Variants in TMEM132D observed in about 807,000 individuals in gnomAD.
TMEM132D encodes transmembrane protein 132D.
TMEM132D carries 21 observed loss-of-function variants against 62.3 expected under a neutral mutation model. The observed-to-expected ratio is 0.34, with a 90% CI of 0.24 to 0.49. The LOEUF (loss-of-function observed/expected upper bound fraction) is 0.49, where lower values mean the gene tolerates loss of function less well. Ranked by LOEUF, TMEM132D falls within the 20% of genes least tolerant of loss-of-function variation. The pLI, the probability that TMEM132D is intolerant of heterozygous loss-of-function variation, is 0.99. For missense variants in TMEM132D, 1,346 were observed against 1,402.8 expected, an observed-to-expected ratio of 0.96 and a Z score of 0.65; for synonymous variants, 621 against 575.6, an observed-to-expected ratio of 1.08 and a Z score of -1.13.
intron 3 of TMEM132D, among the ~76,000 whole-genome samples, chr12:129,512,301 G>A (rs995967532): frequency 4.6e-5 from 7 of 152,200 alleles, no homozygotes; most frequent in Non-Finnish European, 1.0e-4. Context: ...TGTCATCAGA[G>A]TAAATCTCAA....
At chr12:129,207,222 A>AGGTTCC (rs1878876507) in intron 5 of TMEM132D, among the ~76,000 whole-genome samples, 2 of 151,678 alleles carry the variant, frequency 1.3e-5, no homozygotes, top group African/African-American at 4.8e-5. Flanking sequence ...CACGGAGCTT[A>AGGTTCC]AGTTCCAAGG....
intron 1 of TMEM132D, among the ~76,000 whole-genome samples, chr12:129,709,260 G>A (rs1189668612): frequency 1.3e-5 from 2 of 152,136 alleles, no homozygotes; most frequent in African/African-American, 4.8e-5. Context: ...CCCATTCATT[G>A]TATATCTAAG....
At chr12:129,730,379 C>A (rs2895130) in intron 1 of TMEM132D, among the ~76,000 whole-genome samples, 1 of 152,028 alleles carries the variant, frequency 6.6e-6, no homozygotes, top group African/African-American at 2.4e-5. Context: ...CAAATCCCCA[C>A]TCCAGGGGTA....
At chr12:129,709,314 A>G (rs1387008018) in intron 1 of TMEM132D, among the ~76,000 whole-genome samples, 3 of 152,242 alleles carry the variant, frequency 2.0e-5, no homozygotes, top group Admixed American at 1.3e-4. Context: ...AAAATTTATA[A>G]GAATGTTGAG....
chr12:129,900,364 G>A (rs1263402347), intron 1 of TMEM132D, among the ~76,000 whole-genome samples: 1 of 152,204 alleles, frequency 6.6e-6, no homozygotes, highest in Non-Finnish European at 1.5e-5. Flanking sequence ...TATGGAAGCA[G>A]TTTCAGGAAG....
intron 5 of TMEM132D, among the ~76,000 whole-genome samples, chr12:129,152,364 C>T (rs982196400): frequency 5.3e-5 from 8 of 152,180 alleles, no homozygotes; most frequent in African/African-American, 1.9e-4. Flanking sequence ...AGGTCCATCT[C>T]ATCTCCAATT....
chr12:129,476,840 C>T (rs929972907), intron 3 of TMEM132D, among the ~76,000 whole-genome samples: 11 of 152,158 alleles, frequency 7.2e-5, no homozygotes, highest in Non-Finnish European at 8.8e-5. Context: ...GCCAGGGAAG[C>T]TTAACTCAGA....
At chr12:129,830,020 C>A (rs1023225069) in intron 1 of TMEM132D, among the ~76,000 whole-genome samples, 2 of 152,122 alleles carry the variant, frequency 1.3e-5, no homozygotes, top group African/African-American at 4.8e-5. Context: ...CAGCTCCAAG[C>A]CTCTCAGATA....
chr12:129,229,099 G>T (rs1282384251), intron 4 of TMEM132D, among the ~76,000 whole-genome samples: 1 of 152,178 alleles, frequency 6.6e-6, no homozygotes, highest in Non-Finnish European at 1.5e-5. Flanking sequence ...AGCAACACAC[G>T]TGTGATCCAG....
At chr12:129,549,683 C>G (rs1876838342) in intron 2 of TMEM132D, among the ~76,000 whole-genome samples, 1 of 152,208 alleles carries the variant, frequency 6.6e-6, no homozygotes, top group Non-Finnish European at 1.5e-5. Flanking sequence ...AAATACACTT[C>G]CCTACTCCCT....
intron 5 of TMEM132D, among the ~76,000 whole-genome samples, chr12:129,156,612 C>A (rs1411957479): frequency 6.6e-6 from 1 of 152,126 alleles, no homozygotes; most frequent in African/African-American, 2.4e-5. Flanking sequence ...TGAATCCACT[C>A]CCAAAAGTAA....
At chr12:129,877,304 G>GT (rs139901419) in intron 1 of TMEM132D, among the ~76,000 whole-genome samples, 3,189 of 152,074 alleles carry the variant, frequency 0.021, 120 homozygotes, top group African/African-American at 0.073. Context: ...CACACTGTGG[G>GT]TAAGAAGAAC....
intron 3 of TMEM132D, among the ~76,000 whole-genome samples, chr12:129,492,844 TG>T (rs1279269991): frequency 6.6e-6 from 1 of 152,122 alleles, no homozygotes; most frequent in Non-Finnish European, 1.5e-5. Context: ...ACTCTAAGGC[TG>T]GGGTTGGGGA....
chr12:129,352,047 G>A (rs781099425), intron 3 of TMEM132D, among the ~76,000 whole-genome samples: 8 of 152,122 alleles, frequency 5.3e-5, no homozygotes, highest in African/African-American at 1.2e-4. Context: ...TGTCAGAGGC[G>A]TTCGAACCAG....
chr12:129,588,732 G>A (rs897029961), intron 2 of TMEM132D, among the ~76,000 whole-genome samples: 15 of 127,072 alleles, frequency 1.2e-4, no homozygotes, highest in East Asian at 2.4e-4. Context: ...CTGCCACCAC[G>A]CCCAGCTATT....
At chr12:129,889,925 G>A (rs1327298977) in intron 1 of TMEM132D, among the ~76,000 whole-genome samples, 1 of 152,200 alleles carries the variant, frequency 6.6e-6, no homozygotes, top group African/African-American at 2.4e-5. Flanking sequence ...GAACGGGAAT[G>A]CGAGAAACAC....
intron 3 of TMEM132D, among the ~76,000 whole-genome samples, chr12:129,406,506 G>C (rs1008638152): frequency 6.6e-6 from 1 of 151,998 alleles, no homozygotes; most frequent in African/African-American, 2.4e-5. Flanking sequence ...TGTAATCCCA[G>C]CTACTCGGGA....
At chr12:129,619,648 C>A (rs991499661) in intron 2 of TMEM132D, among the ~76,000 whole-genome samples, 12 of 152,166 alleles carry the variant, frequency 7.9e-5, no homozygotes, top group Non-Finnish European at 4.4e-5. Context: ...TCACTGTAAT[C>A]CCATTTGCAG....
intron 2 of TMEM132D, among the ~76,000 whole-genome samples, chr12:129,558,145 CAAGA>C (rs1172835080): frequency 6.6e-6 from 1 of 152,134 alleles, no homozygotes; most frequent in Non-Finnish European, 1.5e-5. Context: ...TAGGGACAGG[CAAGA>C]ATCCAGGCTG....
Sources: allele counts gnomAD v4.1 joint callset (sites outside exome capture counted in the v4.1 genomes callset), GRCh38; gene constraint gnomAD v4.1.1; transcripts MANE v1.5; gene names NCBI Gene and HGNC (gene_info 2026-07-23, HGNC 2026-07-21).